TMEM163: variants seen among roughly 807,000 people sequenced by gnomAD.
The protein encoded by TMEM163 is transmembrane protein 163.
Under a neutral mutation model 29.3 loss-of-function variants are expected in TMEM163, and 17 were observed. That is an observed-to-expected ratio of 0.58 (90% CI 0.40 to 0.87). TMEM163 has a LOEUF of 0.87. Ranked by LOEUF, TMEM163 falls within the 40% of genes least tolerant of loss-of-function variation. The pLI is 0.00. For missense variants in TMEM163, 303 were observed against 381.5 expected, an observed-to-expected ratio of 0.79 and a Z score of 1.71; for synonymous variants, 157 against 160.6, an observed-to-expected ratio of 0.98 and a Z score of 0.17.
At chr2:134,655,395 C>T (rs1212216715) in intron 2 of TMEM163, among the ~76,000 whole-genome samples, 2 of 104,768 alleles carry the variant, frequency 1.9e-5, no homozygotes, top group Non-Finnish European at 3.7e-5. Flanking sequence ...GTTTTCAGCT[C>T]CATCAGCTCC....
chr2:134,532,628 C>T (rs1390369245), intron 4 of TMEM163, among the ~76,000 whole-genome samples: 2 of 152,178 alleles, frequency 1.3e-5, no homozygotes, highest in African/African-American at 4.8e-5. Context: ...AAAGGGCAGA[C>T]CCAGCTTTCT....
intron 4 of TMEM163, 38 bp downstream of exon 4, chr2:134,550,532 G>T (rs766785686): frequency 6.3e-7 from 1 of 1,596,304 alleles, no homozygotes; most frequent in Non-Finnish European, 8.6e-7. Flanking sequence ...TCATCTGCAC[G>T]GGTTCTTCAG....
intron 2 of TMEM163, among the ~76,000 whole-genome samples, chr2:134,586,452 C>T (rs552455580): frequency 2.3e-4 from 35 of 152,328 alleles, no homozygotes; most frequent in African/African-American, 7.5e-4. Flanking sequence ...TCCATTTTCA[C>T]GTGGCATTCT....
At position 134,502,280 on chromosome 2, in the gene TMEM163, C is replaced by T. The variant is rs111849951; in HGVS notation, c.555+621G>A. ...CATCTTCATCTCCTGGTAACCACAT[C>T]AGCTGCCTGTCACGAAGACTGCATG... On this transcript the variant is annotated intron_variant, in intron 5 of 7. Transcript: ENST00000281924. Among the ~76,000 whole-genome samples the T allele has an allele frequency of 1.6e-4, 24 of 152,270 alleles. 1 individual carries two copies. Among genetic ancestry groups the T allele is most frequent in the Admixed American group, 5.2e-4 (8 of 15,304 alleles).
chr2:134,547,913 T>C (rs542311874), intron 4 of TMEM163, among the ~76,000 whole-genome samples: 1 of 152,340 alleles, frequency 6.6e-6, no homozygotes, highest in African/African-American at 2.4e-5. Context: ...CCTCCAGACC[T>C]AACAAATGTT....
intron 4 of TMEM163, among the ~76,000 whole-genome samples, chr2:134,530,554 G>A (rs184392593): frequency 6.6e-5 from 10 of 152,282 alleles, no homozygotes; most frequent in Non-Finnish European, 1.3e-4. Flanking sequence ...TTGGGTTACA[G>A]GCATGAGTCA....
intron 2 of TMEM163, among the ~76,000 whole-genome samples, chr2:134,629,588 C>A (rs989712976): frequency 1.3e-5 from 2 of 152,084 alleles, no homozygotes; most frequent in Non-Finnish European, 2.9e-5. Context: ...AATTTAGTAT[C>A]TTCAATTTAA....
chr2:134,556,905 G>T (rs1681060296), intron 2 of TMEM163, among the ~76,000 whole-genome samples: 1 of 152,224 alleles, frequency 6.6e-6, no homozygotes, highest in Non-Finnish European at 1.5e-5. Flanking sequence ...TAAACAGATA[G>T]GTTGTATGTT....
chr2:134,498,354 C>CTTT (rs765734718), intron 5 of TMEM163, among the ~76,000 whole-genome samples: 62 of 115,446 alleles, frequency 5.4e-4, no homozygotes, highest in South Asian at 9.5e-4. Flanking sequence ...TGCATGTGGG[C>CTTT]TTTTTTTTTT....
chr2:134,679,188 G>T (rs56090955), intron 2 of TMEM163, among the ~76,000 whole-genome samples: 2,456 of 152,326 alleles, frequency 0.016, 56 homozygotes, highest in African/African-American at 0.052. Flanking sequence ...GAGGTAAGGG[G>T]CTTGGGCAGT....
intron 2 of TMEM163, among the ~76,000 whole-genome samples, chr2:134,693,608 C>CAA (rs35183610): frequency 1.6e-3 from 106 of 66,618 alleles, no homozygotes; most frequent in Non-Finnish European, 3.0e-3. Flanking sequence ...AAAACTACAT[C>CAA]AAAAAAAAAA....
At chr2:134,661,614 G>A (rs1400395584) in intron 2 of TMEM163, among the ~76,000 whole-genome samples, 1 of 152,192 alleles carries the variant, frequency 6.6e-6, no homozygotes, top group Admixed American at 6.5e-5. Context: ...AATTTGCTAA[G>A]TTCAAGGGGC....
intron 2 of TMEM163, among the ~76,000 whole-genome samples, chr2:134,567,072 G>C (rs1286693054): frequency 6.6e-6 from 1 of 152,192 alleles, no homozygotes; most frequent in Non-Finnish European, 1.5e-5. Context: ...GTACAAGGTT[G>C]AAAGGCAGCT....
At chr2:134,473,527 C>G (rs1420376307) in intron 5 of TMEM163, among the ~76,000 whole-genome samples, 13 of 143,874 alleles carry the variant, frequency 9.0e-5, no homozygotes, top group African/African-American at 3.0e-4. Context: ...AAGAGTGAAA[C>G]TCTGTCTCAA....
chr2:134,569,463 T>C (rs1197348104), intron 2 of TMEM163, among the ~76,000 whole-genome samples: 1 of 152,120 alleles, frequency 6.6e-6, no homozygotes, highest in Non-Finnish European at 1.5e-5. Flanking sequence ...AAGATTTAGC[T>C]AAAAAGAACA....
chr2:134,642,452 A>T (rs1329032569), intron 2 of TMEM163, among the ~76,000 whole-genome samples: 4 of 152,130 alleles, frequency 2.6e-5, no homozygotes, highest in Admixed American at 2.6e-4. Flanking sequence ...TTACAGTTGG[A>T]GACTTCAATA....
At chr2:134,550,503 G>C (rs1230394907) in intron 4 of TMEM163, 67 bp downstream of exon 4, 2 of 1,449,384 alleles carry the variant, frequency 1.4e-6, no homozygotes, top group Non-Finnish European at 1.9e-6. Flanking sequence ...GCTGTGTTGA[G>C]GGCCTCATTC....
intron 5 of TMEM163, among the ~76,000 whole-genome samples, chr2:134,472,103 A>G (rs1221936966): frequency 6.6e-6 from 1 of 152,284 alleles, no homozygotes; most frequent in Non-Finnish European, 1.5e-5. Context: ...ATAAATGTAC[A>G]TTAAAGGTAA....
At chr2:134,649,061 A>T (rs1243586831) in intron 2 of TMEM163, among the ~76,000 whole-genome samples, 1 of 152,248 alleles carries the variant, frequency 6.6e-6, no homozygotes, top group African/African-American at 2.4e-5. Context: ...GACCTGCGAC[A>T]TATCAAAAAG....
Sources: allele counts gnomAD v4.1 joint callset (sites outside exome capture counted in the v4.1 genomes callset), GRCh38; gene constraint gnomAD v4.1.1; transcripts MANE v1.5; gene names NCBI Gene and HGNC (gene_info 2026-07-23, HGNC 2026-07-21).